Variants in CEP112 observed in about 807,000 individuals in gnomAD.
CEP112 encodes the protein centrosomal protein of 112 kDa.
In CEP112, 127 loss-of-function variants were observed where a neutral mutation model predicts 153.0. The observed-to-expected ratio is 0.83, with a 90% CI of 0.72 to 0.96. CEP112 has a LOEUF of 0.96. Ranked by LOEUF, CEP112 falls within the 40% of genes least tolerant of loss-of-function variation. CEP112 has a pLI of 0.00. For synonymous variants in CEP112, 358 were observed against 374.4 expected (o/e 0.96, Z 0.51); for missense variants, 1,089 against 1,101.2 (o/e 0.99, Z 0.16).
chr17:66,104,677 T>C (rs997721093), intron 6 of CEP112, among the ~76,000 whole-genome samples: 4 of 152,144 alleles, frequency 2.6e-5, no homozygotes, highest in African/African-American at 9.7e-5. Context: ...AGCAGGCTCC[T>C]GGGGTCACCA....
intron 19 of CEP112, among the ~76,000 whole-genome samples, chr17:65,918,243 C>T (rs1383373152): frequency 1.3e-5 from 2 of 151,822 alleles, no homozygotes; most frequent in African/African-American, 2.4e-5. Context: ...TACCACCTAG[C>T]TAAGTAATGA....
intron 23 of CEP112, among the ~76,000 whole-genome samples, chr17:65,700,692 T>C (rs1386516275): frequency 6.6e-6 from 1 of 152,122 alleles, no homozygotes; most frequent in Non-Finnish European, 1.5e-5. Flanking sequence ...CCTGTAGGAA[T>C]GGGAACCACA....
At chr17:65,923,054 G>A (rs754400880) in intron 19 of CEP112, among the ~76,000 whole-genome samples, 16 of 152,054 alleles carry the variant, frequency 1.1e-4, no homozygotes, top group Non-Finnish European at 2.4e-4. Context: ...TATTTCAGGG[G>A]AAATACCTAT....
chr17:65,751,399 G>A (rs1036363917), intron 21 of CEP112, among the ~76,000 whole-genome samples: 1 of 152,044 alleles, frequency 6.6e-6, no homozygotes, highest in Non-Finnish European at 1.5e-5. Flanking sequence ...GAAACTTTTG[G>A]GATCTTTATT....
At chr17:65,939,387 C>T (rs1403839828) in intron 18 of CEP112, among the ~76,000 whole-genome samples, 2 of 151,910 alleles carry the variant, frequency 1.3e-5, no homozygotes, top group Admixed American at 6.6e-5. Context: ...AAAACCAATC[C>T]GAAAATTGGT....
At chr17:66,146,252 G>A (rs952055040) in intron 4 of CEP112, among the ~76,000 whole-genome samples, 1 of 152,198 alleles carries the variant, frequency 6.6e-6, no homozygotes, top group South Asian at 2.1e-4. Flanking sequence ...CTGGGCTTAA[G>A]AGATTTGTGA....
rs949556446 is a variant in CEP112 at position 65,893,930 on chromosome 17, A to G, written c.2163+8222T>C. Among the ~76,000 whole-genome samples the G allele has an allele frequency of 8.0e-4, 121 of 152,080 alleles. 1 individual carries two copies. The highest frequency in any genetic ancestry group is 1.4e-3 in the Non-Finnish European group (97 of 68,002). ...TCTTTGAACATTTGATGATATCACC[A>G]TTTTGCCCATCATTTCTTGCACTTT... On this transcript the variant is annotated intron_variant, in intron 20 of 26. Coordinates refer to ENST00000535342, the MANE Select transcript of CEP112 (RefSeq NM_001199165.4).
chr17:65,730,327 G>A (rs1420740575), intron 23 of CEP112, among the ~76,000 whole-genome samples: 1 of 152,132 alleles, frequency 6.6e-6, no homozygotes, highest in East Asian at 1.9e-4. Flanking sequence ...CTTGCTCTAG[G>A]AAGCAAGGTC....
intron 17 of CEP112, among the ~76,000 whole-genome samples, chr17:65,996,580 C>T (rs537377169): frequency 2.6e-5 from 4 of 152,282 alleles, no homozygotes; most frequent in Admixed American, 1.3e-4. Context: ...CTCTCCATCA[C>T]GGGCTCACCA....
chr17:65,663,862 C>T (rs4791141), intron 24 of CEP112, among the ~76,000 whole-genome samples: 12,048 of 152,084 alleles, frequency 0.079, 1,129 homozygotes, highest in East Asian at 0.43. Flanking sequence ...TTGGCTAACA[C>T]GGTGAAACCC....
At chr17:65,979,433 TCTCA>T (rs1159132506) in intron 17 of CEP112, among the ~76,000 whole-genome samples, 2 of 151,814 alleles carry the variant, frequency 1.3e-5, no homozygotes, top group Non-Finnish European at 2.9e-5. Flanking sequence ...AAAGATAGAG[TCTCA>T]CTATGTTGCC....
chr17:65,928,645 T>C (rs1052614347), intron 18 of CEP112, among the ~76,000 whole-genome samples: 3 of 152,130 alleles, frequency 2.0e-5, no homozygotes, highest in African/African-American at 4.8e-5. Context: ...GGAGGATCGC[T>C]TGAGCCCAGG....
At chr17:65,655,316 T>C in intron 24 of CEP112, 1 of 1,545,518 alleles carries the variant, frequency 6.5e-7, no homozygotes, top group Non-Finnish European at 8.9e-7. Context: ...ACACTACAGC[T>C]GGATTTCTCG....
intron 24 of CEP112, among the ~76,000 whole-genome samples, chr17:65,679,129 CTTTT>C (rs57907674): frequency 9.5e-5 from 3 of 31,620 alleles, no homozygotes; most frequent in African/African-American, 3.3e-4. Flanking sequence ...GTGGTTCAAG[CTTTT>C]TTTTTTTTTT....
rs529401701 is a variant in CEP112 at position 65,647,250 on chromosome 17, C to T, written c.2698-6185G>A. 3.4e-5 allele frequency among the ~76,000 whole-genome samples: 5 copies of T among 147,862 alleles called. No homozygotes were observed. In the South Asian group the frequency reaches 1.1e-3, roughly 32 times the overall value. On this transcript the variant is annotated intron_variant, in intron 24 of 26. Transcript: ENST00000535342. ...GTGCAATGGCGCGATCTCGGCTCAG[C>T]GCAACCTCCGCCTCCTGGGTTCAAG...
intron 20 of CEP112, among the ~76,000 whole-genome samples, chr17:65,868,029 TTA>T (rs2058541299): frequency 6.6e-6 from 1 of 151,682 alleles, no homozygotes; most frequent in African/African-American, 2.4e-5. Context: ...TGAGTTTATA[TTA>T]TATGTATTAA....
chr17:66,044,060 T>C (rs1280336167), intron 12 of CEP112, among the ~76,000 whole-genome samples: 1 of 152,170 alleles, frequency 6.6e-6, no homozygotes, highest in Non-Finnish European at 1.5e-5. Flanking sequence ...GTATTACCTA[T>C]GACAAGGTTT....
intron 20 of CEP112, among the ~76,000 whole-genome samples, chr17:65,876,575 T>C (rs192594334): frequency 2.0e-5 from 3 of 152,294 alleles, no homozygotes; most frequent in East Asian, 3.9e-4. Context: ...CTGGTACTTA[T>C]TAACCTTTTC....
chr17:66,056,930 A>G (rs564648113), intron 11 of CEP112, among the ~76,000 whole-genome samples: 1 of 152,340 alleles, frequency 6.6e-6, no homozygotes, highest in African/African-American at 2.4e-5. Context: ...ACAGAACAGC[A>G]AAACGTGTTG....
Sources: gnomAD v4.1 joint callset for allele counts (sites outside exome capture counted in the v4.1 genomes callset) on GRCh38, gnomAD v4.1.1 for gene constraint, MANE v1.5 for transcripts, NCBI Gene and HGNC (gene_info 2026-07-23, HGNC 2026-07-21) for gene names.